CDC25C: variants seen among roughly 807,000 people sequenced by gnomAD.
CDC25C encodes the protein M-phase inducer phosphatase 3.
In CDC25C, 48 loss-of-function variants were observed where a neutral mutation model predicts 52.5. The observed-to-expected ratio is 0.91, with a 90% confidence interval of 0.72 to 1.16. The LOEUF is 1.16. Among genes scored for constraint, CDC25C ranks in the 50% most tolerant of loss-of-function variants. CDC25C has a pLI of 0.00. For missense variants in CDC25C, 510 were observed against 566.1 expected (o/e 0.90, Z 1.01); for synonymous variants, 187 against 206.5 (o/e 0.91, Z 0.81).
chr5:138,316,302 G>A (rs572459716), intron 7 of CDC25C, among the ~76,000 whole-genome samples: 2 of 152,200 alleles, frequency 1.3e-5, no homozygotes, highest in Non-Finnish European at 2.9e-5. Context: ...GTCCGGGGGC[G>A]GATCTGTGTG....
At chr5:138,299,382 A>G (rs1479758912) in intron 7 of CDC25C, among the ~76,000 whole-genome samples, 2 of 135,182 alleles carry the variant, frequency 1.5e-5, no homozygotes, top group African/African-American at 5.5e-5. Flanking sequence ...TGTAATCTCA[A>G]CTACTTGGGA....
intron 7 of CDC25C, among the ~76,000 whole-genome samples, chr5:138,298,809 T>C (rs977235300): frequency 6.6e-6 from 1 of 151,928 alleles, no homozygotes; most frequent in African/African-American, 2.4e-5. Context: ...TTTAAAAGGA[T>C]TGAAATCACA....
chr5:138,338,068 T>G (rs1236541684), exon 1 of CDC25C: 1 of 1,289,698 alleles, frequency 7.8e-7, no homozygotes, highest in Admixed American at 2.3e-5. Context: ...ACCACCCCCA[T>G]CCCTAAATCA....
At chr5:138,304,924 C>T (rs1757891595) in intron 7 of CDC25C, among the ~76,000 whole-genome samples, 1 of 152,154 alleles carries the variant, frequency 6.6e-6, no homozygotes. Flanking sequence ...AGTAGCAACT[C>T]ATTGTACTTA....
chr5:138,312,735 T>C (rs767466219), intron 7 of CDC25C, among the ~76,000 whole-genome samples: 16 of 152,180 alleles, frequency 1.1e-4, no homozygotes, highest in Non-Finnish European at 2.1e-4. Flanking sequence ...GTGCCAGTTT[T>C]CCAAGATTAA....
At chr5:138,337,572 G>A (rs978883339) in intron 1 of CDC25C, 5 of 206,280 alleles carry the variant, frequency 2.4e-5, no homozygotes, top group African/African-American at 7.2e-5. Flanking sequence ...GAGAAGAGAG[G>A]GAGTGAACAG....
chr5:138,324,811 G>A (rs896031385), intron 6 of CDC25C, among the ~76,000 whole-genome samples: 3 of 151,960 alleles, frequency 2.0e-5, no homozygotes, highest in Admixed American at 6.6e-5. Context: ...GCTCACACCT[G>A]TAATCTCAGC....
chr5:138,312,607 AC>A (rs1419982831), intron 7 of CDC25C, among the ~76,000 whole-genome samples: 2 of 152,210 alleles, frequency 1.3e-5, no homozygotes, highest in East Asian at 3.8e-4. Context: ...AAACAAAAAA[AC>A]CCTGTATCAT....
intron 9 of CDC25C, 113 bp downstream of exon 9, chr5:138,290,526 A>G (rs1453230567): frequency 4.4e-6 from 3 of 675,968 alleles, no homozygotes; most frequent in Non-Finnish European, 8.2e-6. Flanking sequence ...CTGTCAGGTT[A>G]CCAAAGAGTA....
chr5:138,324,424 T>G (rs1458675632), intron 6 of CDC25C, among the ~76,000 whole-genome samples: 1 of 151,706 alleles, frequency 6.6e-6, no homozygotes, highest in African/African-American at 2.4e-5. Context: ...GGCAACATAG[T>G]GAGACCCTTA....
intron 8 of CDC25C, 77 bp downstream of exon 8, chr5:138,291,893 T>C (rs1756750305): frequency 4.8e-6 from 6 of 1,256,722 alleles, no homozygotes; most frequent in Non-Finnish European, 6.6e-6. Context: ...AAAGGCATAA[T>C]AAAACAATCC....
chr5:138,338,341 CG>C, upstream of CDC25C: 1 of 447,794 alleles, frequency 2.2e-6, no homozygotes, highest in Non-Finnish European at 4.3e-6. Flanking sequence ...GCTGGGGCCT[CG>C]GGGCGGGCAC....
intron 11 of CDC25C, 37 bp from the exon 12 acceptor site, chr5:138,286,667 G>A (rs745420668): frequency 1.2e-5 from 19 of 1,586,610 alleles, no homozygotes; most frequent in Non-Finnish European, 1.4e-5. Flanking sequence ...TTTCCTCAGG[G>A]GCTTATAGAC....
At chr5:138,322,520 G>T (rs1221989152) in intron 6 of CDC25C, among the ~76,000 whole-genome samples, 1 of 115,452 alleles carries the variant, frequency 8.7e-6, no homozygotes, top group Non-Finnish European at 1.7e-5. Context: ...CTGTCGCCCA[G>T]ACTGGAGTAC....
At chr5:138,318,714 TA>T (rs772073053) in intron 7 of CDC25C, among the ~76,000 whole-genome samples, 2 of 150,774 alleles carry the variant, frequency 1.3e-5, no homozygotes, top group East Asian at 3.9e-4. Context: ...GAATCTGTCT[TA>T]AAAAAAACAA....
At chr5:138,327,370 C>T (rs1037936411) in intron 4 of CDC25C, among the ~76,000 whole-genome samples, 2 of 106,022 alleles carry the variant, frequency 1.9e-5, no homozygotes, top group South Asian at 3.3e-4. Context: ...AATCCCAGGA[C>T]TTTGGGAGGC....
chr5:138,296,341 T>G (rs1308741067), intron 7 of CDC25C, among the ~76,000 whole-genome samples: 1 of 152,112 alleles, frequency 6.6e-6, no homozygotes, highest in Admixed American at 6.5e-5. Context: ...GTTCAAGCGA[T>G]TCCCCTGCCT....
chr5:138,292,918 C>G (rs1430535986), intron 7 of CDC25C, among the ~76,000 whole-genome samples: 1 of 152,180 alleles, frequency 6.6e-6, no homozygotes, highest in Non-Finnish European at 1.5e-5. Context: ...ACCTAGAGAA[C>G]AGGCAAAAGC....
intron 4 of CDC25C, among the ~76,000 whole-genome samples, chr5:138,327,867 CTTT>C (rs775143862): frequency 7.0e-6 from 1 of 142,500 alleles, no homozygotes. Context: ...TCTGTACTTT[CTTT>C]TTTTTTTTTT....
Sources: allele counts gnomAD v4.1 joint callset (sites outside exome capture counted in the v4.1 genomes callset), GRCh38; gene constraint gnomAD v4.1.1; transcripts MANE v1.5; gene names NCBI Gene and HGNC (gene_info 2026-07-23, HGNC 2026-07-21).